The following SVEP1 variants were observed in gnomAD, a reference collection of about 807,000 sequenced individuals.
SVEP1 encodes sushi, von Willebrand factor type A, EGF and pentraxin domain containing 1.
A neutral mutation model predicts 367.3 loss-of-function variants in SVEP1; 164 were observed. The observed-to-expected ratio is 0.45, with a 90% CI of 0.39 to 0.51. The LOEUF is 0.51. SVEP1 is among the 20% of genes least tolerant of loss of function. SVEP1 has a pLI of 0.00. For missense variants in SVEP1, 4,117 were observed against 4,425.3 expected, an observed-to-expected ratio of 0.93 and a Z score of 1.98; for synonymous variants, 1,666 against 1,611.6, an observed-to-expected ratio of 1.03 and a Z score of -0.81.
intron 47 of SVEP1, among the ~76,000 whole-genome samples, chr9:110,368,940 C>T (rs1827238280): frequency 6.6e-6 from 1 of 151,924 alleles, no homozygotes; most frequent in Non-Finnish European, 1.5e-5. Flanking sequence ...TTGACTTTGA[C>T]ATTCCAATCA....
intron 36 of SVEP1, among the ~76,000 whole-genome samples, chr9:110,412,793 C>T (rs1236108313): frequency 6.6e-6 from 1 of 152,202 alleles, no homozygotes; most frequent in Non-Finnish European, 1.5e-5. Context: ...TGAAGAAATG[C>T]TCATCATCAC....
intron 1 of SVEP1, among the ~76,000 whole-genome samples, chr9:110,573,098 C>T (rs774598729): frequency 1.3e-5 from 2 of 151,902 alleles, no homozygotes; most frequent in African/African-American, 2.4e-5. Flanking sequence ...CAACAGTGAG[C>T]GATTGTTGAT....
intron 36 of SVEP1, among the ~76,000 whole-genome samples, chr9:110,423,168 T>TAAAAAAAAAAAAAAG (rs1828195001): frequency 1.6e-4 from 17 of 103,626 alleles, no homozygotes; most frequent in East Asian, 5.0e-4. Context: ...AAAAATAAAG[T>TAAAAAAAAAAAAAAG]AAAAAAAAAA....
chr9:110,438,057 G>A (rs547118304), intron 27 of SVEP1, among the ~76,000 whole-genome samples: 2 of 151,806 alleles, frequency 1.3e-5, no homozygotes. Flanking sequence ...GTATGTATGT[G>A]TGAGGTATTT....
rs764748976 is a variant in SVEP1 at position 110,476,248 on chromosome 9, T to C, written c.2555A>G (p.Tyr852Cys). 22 of 1,613,596 alleles carry C rather than the reference T, an allele frequency of 1.4e-5. No individual in the cohort carries two copies. Among genetic ancestry groups the C allele is most frequent in the Non-Finnish European group, 5.1e-6 (6 of 1,179,682 alleles). ...CRLEENLTKK[Y>C]CLEYNYDYEN... is the part of the protein sequence containing the mutation. The stretch of plus-strand genomic sequence containing the variant: ...ATAGTCATAATTATATTCTAGGCAA[T>C]ATTTTTTGGTCAGGTTCTCCTCCAG... The change falls in exon 14 of 48, where the codon TAT becomes TGT. Residue 852 changes from tyrosine to cysteine, a missense_variant. By Grantham distance (194) the Tyr-to-Cys change is radical. This residue lies in a region of SVEP1 where 2,174 missense variants were observed against 2,494.3 expected (regional missense o/e 0.87). Coordinates refer to ENST00000374469, the MANE Select transcript of SVEP1 (RefSeq NM_153366.4).
rs899402717 is a variant in SVEP1 at position 110,365,743 on chromosome 9, G to C, written c.*796C>G. On this transcript the variant is annotated 3_prime_UTR_variant, in exon 48 of 48. Coordinates refer to ENST00000374469, the MANE Select transcript of SVEP1 (RefSeq NM_153366.4). ...GTCTTCCCCTTCCTCCCAAAATAGT[G>C]AGTTGTGGGATTACCAGTCCGGGTA... 6.6e-6 allele frequency: 1 copy of C among 152,188 alleles called. No homozygotes were observed. The highest frequency in any genetic ancestry group is 2.4e-5 in the African/African-American group (1 of 41,432). 9.4% of individuals were successfully genotyped at this position (152,188 alleles called of 1,614,324 possible). A position where few individuals can be genotyped will look rare whatever the true frequency, so the allele number is the denominator to read the frequency against.
intron 12 of SVEP1, among the ~76,000 whole-genome samples, 183 bp downstream of exon 12, chr9:110,481,059 A>AT (rs1393453214): frequency 6.6e-6 from 1 of 152,198 alleles, no homozygotes; most frequent in Non-Finnish European, 1.5e-5. Context: ...ACAATCTATA[A>AT]TAAGACTTTA....
intron 1 of SVEP1, among the ~76,000 whole-genome samples, chr9:110,575,909 G>A (rs778459147): frequency 6.6e-6 from 1 of 152,096 alleles, no homozygotes; most frequent in Non-Finnish European, 1.5e-5. Flanking sequence ...CACTAATAGG[G>A]AAATGCAATT....
chr9:110,544,744 C>T (rs1275796651), intron 3 of SVEP1, among the ~76,000 whole-genome samples: 1 of 148,256 alleles, frequency 6.7e-6, no homozygotes, highest in African/African-American at 2.4e-5. Flanking sequence ...ATATCTGTCA[C>T]CTCAATTATC....
chr9:110,500,709 G>A (rs2118749525), intron 6 of SVEP1, among the ~76,000 whole-genome samples: 3 of 152,080 alleles, frequency 2.0e-5, no homozygotes, highest in South Asian at 4.2e-4. Context: ...CCTATGATCA[G>A]TTAAATAAAT....
intron 9 of SVEP1, among the ~76,000 whole-genome samples, chr9:110,484,000 C>T (rs893828492): frequency 1.3e-5 from 2 of 152,134 alleles, no homozygotes; most frequent in East Asian, 1.9e-4. Context: ...GTTCTGTCCA[C>T]GGTCGTTGAG....
chr9:110,453,697 A>G (rs894633553), intron 22 of SVEP1, among the ~76,000 whole-genome samples: 1 of 151,976 alleles, frequency 6.6e-6, no homozygotes, highest in Admixed American at 6.6e-5. Context: ...GTGAAACCCC[A>G]TCTCTACTAA....
chr9:110,479,741 T>C lies in SVEP1; in HGVS notation c.2381A>G (p.Asn794Ser). The C allele has an allele frequency of 6.2e-7, 1 of 1,603,854 alleles. No individual in the cohort carries two copies. The highest frequency in any genetic ancestry group is 8.5e-7 in the Non-Finnish European group (1 of 1,176,908). ...WPDCAKKRFA[N>S]HGFKSFEMFY... The stretch of plus-strand genomic sequence containing the variant: ...CATCTCAAAGGACTTGAACCCGTGG[T>C]TTGCAAAACGTTTTTCTAGAAAATG... The change falls in exon 13 of 48, where the codon AAC becomes AGC. Residue 794 changes from asparagine (N) to serine (S), a missense_variant. Transcript: ENST00000374469.
chr9:110,505,971 C>A (rs953758925), intron 5 of SVEP1, among the ~76,000 whole-genome samples: 6 of 152,098 alleles, frequency 3.9e-5, no homozygotes, highest in Non-Finnish European at 8.8e-5. Context: ...CTCCCCTAGT[C>A]CCCAACCCTC....
At chr9:110,377,481 G>T (rs1160121176) in intron 44 of SVEP1, 115 bp from the exon 45 acceptor site, 34 of 913,156 alleles carry the variant, frequency 3.7e-5, no homozygotes, top group Non-Finnish European at 5.4e-5. Flanking sequence ...CTTTCAGGAA[G>T]AGAGACAAAA....
chr9:110,407,672 A>C lies in SVEP1; in HGVS notation c.7928T>G (p.Val2643Gly). Residue 2643 changes from valine (V) to glycine (G), a missense_variant, in exon 38 of 48, where the codon GTT (valine) becomes GGT (glycine). Transcript: ENST00000374469. ...YFEQEDDMME[V>G]PYVTPHPPYH... ...AGGAGGGTGAGGAGTCACATATGGA[A>C]CTTCCATCATGTCGTCTTCTTGCTC... 6.2e-7 allele frequency: 1 copy of C among 1,613,966 alleles called. No homozygotes were observed. Among genetic ancestry groups the C allele is most frequent in the Non-Finnish European group, 8.5e-7 (1 of 1,179,878 alleles).
chr9:110,434,443 C>A lies in SVEP1; in HGVS notation c.4952G>T (p.Gly1651Val). 6.2e-7 allele frequency: 1 copy of A among 1,613,512 alleles called. No individual in the cohort carries two copies. The highest frequency in any genetic ancestry group is 8.5e-7 in the Non-Finnish European group (1 of 1,179,758). ...ATCACAGAACAGATTGACTTTGGAACCTGGCTTTAAATCTTCAGATGCAGT... is the reference window on the plus strand; with the variant it reads ...ATCACAGAACAGATTGACTTTGGAAACTGGCTTTAAATCTTCAGATGCAGT... Reference protein sequence around the residue: ...LRTASEDLKPGSKVNLFCDPG... With the variant: ...LRTASEDLKPVSKVNLFCDPG... The change falls in exon 30 of 48, where the codon GGT becomes GTT. Residue 1651 changes from glycine (G) to valine (V), a missense_variant. Coordinates refer to ENST00000374469, the MANE Select transcript of SVEP1 (RefSeq NM_153366.4).
chr9:110,461,027 G>A (rs1014803712), intron 18 of SVEP1, among the ~76,000 whole-genome samples: 2 of 152,068 alleles, frequency 1.3e-5, no homozygotes, highest in East Asian at 3.9e-4. Context: ...TCGTCGGTCT[G>A]GAAATCTTAT....
At position 110,472,231 on chromosome 9, in the gene SVEP1, C is replaced by T; in HGVS notation, c.2692G>A (p.Ala898Thr). Residue 898 changes from alanine (A) to threonine (T), a missense_variant, in exon 15 of 48, where the codon GCC becomes ACC. By Grantham distance (58) the Ala-to-Thr change is moderately conservative. Around this residue, in one of 4 missense-constraint regions of SVEP1, gnomAD observed 2,174 missense variants for 2,494.3 expected, o/e 0.87. Coordinates refer to ENST00000374469, the MANE Select transcript of SVEP1 (RefSeq NM_153366.4). The stretch of plus-strand genomic sequence containing the variant: ...CTTCTTTTAATCCGTGAGGACTTGG[C>T]ATTGCCGATGCTTGTGGCTGTTTCT... ...VQETATSIGNAKSSRIKRSAP... is the reference protein window; with the variant it reads ...VQETATSIGNTKSSRIKRSAP... 6.2e-7 allele frequency: 1 copy of T among 1,613,512 alleles called. No homozygotes were observed.
Sources: allele counts gnomAD v4.1 joint callset (sites outside exome capture counted in the v4.1 genomes callset), GRCh38; gene constraint gnomAD v4.1.1; regional missense constraint gnomAD v4.1.1; transcripts MANE v1.5; gene names NCBI Gene and HGNC (gene_info 2026-07-23, HGNC 2026-07-21).